The following CSMD1 variants were observed in gnomAD, a reference collection of about 807,000 sequenced individuals.
CSMD1 encodes CUB and sushi domain-containing protein 1.
Under a neutral mutation model 417.5 loss-of-function variants are expected in CSMD1, and 213 were observed. The ratio of observed to expected loss-of-function variants is 0.51; its 90% CI spans 0.46 to 0.57. CSMD1 has a LOEUF of 0.57. Ranked by LOEUF, CSMD1 falls within the 20% of genes least tolerant of loss-of-function variation. The pLI, the probability that CSMD1 is intolerant of heterozygous loss-of-function variation, is 0.00. For synonymous variants in CSMD1, 2,862 were observed against 1,736.8 expected, an observed-to-expected ratio of 1.65 and a Z score of -16.11; for missense variants, 6,923 against 4,529.7, an observed-to-expected ratio of 1.53 and a Z score of -15.17.
chr8:3,543,799 G>C (rs1255101356), intron 10 of CSMD1, among the ~76,000 whole-genome samples: 1 of 152,166 alleles, frequency 6.6e-6, no homozygotes, highest in Non-Finnish European at 1.5e-5. Flanking sequence ...TGCAGTCTGA[G>C]TTCAGAGTCT....
At chr8:4,530,574 T>G (rs1796760245) in intron 2 of CSMD1, among the ~76,000 whole-genome samples, 1 of 151,270 alleles carries the variant, frequency 6.6e-6, no homozygotes, top group Non-Finnish European at 1.5e-5. Flanking sequence ...AGCTCCCACT[T>G]ATGAGTGAGG....
intron 5 of CSMD1, among the ~76,000 whole-genome samples, chr8:3,830,589 G>A (rs1009124285): frequency 6.6e-6 from 1 of 152,092 alleles, no homozygotes; most frequent in South Asian, 2.1e-4. Context: ...AAGAATGATT[G>A]TTTGCAAGCA....
intron 3 of CSMD1, among the ~76,000 whole-genome samples, chr8:4,117,783 G>C (rs1335564644): frequency 1.3e-5 from 2 of 152,098 alleles, no homozygotes; most frequent in African/African-American, 4.8e-5. Flanking sequence ...CCCATTCAGA[G>C]AATGTCAGGC....
chr8:4,047,636 C>T (rs1385571435), intron 3 of CSMD1, among the ~76,000 whole-genome samples: 3 of 151,852 alleles, frequency 2.0e-5, no homozygotes, highest in South Asian at 2.1e-4. Context: ...AATGCAATAT[C>T]GCCCTCAGTG....
At chr8:4,234,076 C>A (rs1207400504) in intron 3 of CSMD1, among the ~76,000 whole-genome samples, 1 of 152,062 alleles carries the variant, frequency 6.6e-6, no homozygotes, top group African/African-American at 2.4e-5. Context: ...TTAACCCCTG[C>A]CTAAGTACTA....
At chr8:3,210,597 G>T in intron 30 of CSMD1, among the ~76,000 whole-genome samples, 1 of 146,276 alleles carries the variant, frequency 6.8e-6, no homozygotes. Context: ...TTAATATATA[G>T]GTGTGTGTAT....
At chr8:3,467,596 G>C (rs187121424) in intron 12 of CSMD1, among the ~76,000 whole-genome samples, 221 of 152,332 alleles carry the variant, frequency 1.5e-3, no homozygotes, top group African/African-American at 5.1e-3. Flanking sequence ...CACACCCCGT[G>C]TGTCAGCAAG....
intron 3 of CSMD1, among the ~76,000 whole-genome samples, chr8:4,146,334 T>G (rs948508730): frequency 1.3e-5 from 2 of 150,702 alleles, no homozygotes; most frequent in African/African-American, 2.5e-5. Context: ...CCAAAGCAGG[T>G]GGATTCATTC....
chr8:3,873,448 CA>C (rs1374355330), intron 5 of CSMD1, among the ~76,000 whole-genome samples: 1 of 152,040 alleles, frequency 6.6e-6, no homozygotes, highest in East Asian at 1.9e-4. Context: ...CAAACTAACA[CA>C]GCAACAGAAA....
chr8:4,043,873 A>C (rs923481272), intron 3 of CSMD1, among the ~76,000 whole-genome samples: 2 of 152,218 alleles, frequency 1.3e-5, no homozygotes, highest in Non-Finnish European at 2.9e-5. Context: ...AGAGAGGCTA[A>C]GGAACTCAGT....
At chr8:3,161,870 T>C (rs1303967542) in intron 38 of CSMD1, among the ~76,000 whole-genome samples, 1 of 152,150 alleles carries the variant, frequency 6.6e-6, no homozygotes, top group African/African-American at 2.4e-5. Context: ...AGAGACAGTG[T>C]TGATATTTTG....
At chr8:4,145,327 G>GA (rs1233568444) in intron 3 of CSMD1, among the ~76,000 whole-genome samples, 12 of 150,648 alleles carry the variant, frequency 8.0e-5, no homozygotes, top group Non-Finnish European at 1.6e-4. Flanking sequence ...ATTTTTTGAG[G>GA]AAAAAAATGA....
At chr8:4,173,299 T>A (rs572399605) in intron 3 of CSMD1, among the ~76,000 whole-genome samples, 32 of 152,164 alleles carry the variant, frequency 2.1e-4, no homozygotes, top group Non-Finnish European at 3.8e-4. Flanking sequence ...GAGTTCCAAA[T>A]TGAAGTGGGA....
At chr8:3,141,618 C>T (rs556851661) in intron 41 of CSMD1, among the ~76,000 whole-genome samples, 15 of 152,120 alleles carry the variant, frequency 9.9e-5, no homozygotes, top group Admixed American at 9.8e-4. Flanking sequence ...AGATATGTTG[C>T]AGACCCTGCA....
At chr8:3,238,546 G>C (rs571446687) in intron 26 of CSMD1, among the ~76,000 whole-genome samples, 7 of 152,122 alleles carry the variant, frequency 4.6e-5, no homozygotes, top group African/African-American at 1.7e-4. Flanking sequence ...CGGGCAGCAT[G>C]GGAACTTAGA....
At chr8:4,458,406 T>G (rs1229647966) in intron 2 of CSMD1, among the ~76,000 whole-genome samples, 1 of 152,176 alleles carries the variant, frequency 6.6e-6, no homozygotes, top group Non-Finnish European at 1.5e-5. Context: ...TTATGGGGAT[T>G]ATTGGCAGTG....
intron 49 of CSMD1, among the ~76,000 whole-genome samples, chr8:3,056,094 G>A (rs964704451): frequency 6.6e-6 from 1 of 152,106 alleles, no homozygotes; most frequent in Non-Finnish European, 1.5e-5. Flanking sequence ...TTATTTATTT[G>A]CAAATAAAAA....
At chr8:3,819,025 CA>C (rs1490164192) in intron 5 of CSMD1, among the ~76,000 whole-genome samples, 1 of 152,164 alleles carries the variant, frequency 6.6e-6, no homozygotes, top group East Asian at 1.9e-4. Context: ...TTTTGACATC[CA>C]GATTGACGGT....
At chr8:3,508,274 C>G (rs1796916430) in intron 10 of CSMD1, among the ~76,000 whole-genome samples, 1 of 151,246 alleles carries the variant, frequency 6.6e-6, no homozygotes, top group African/African-American at 2.4e-5. Context: ...GACATAGATC[C>G]TGGCTCACCT....
Sources: gnomAD v4.1 joint callset for allele counts (sites outside exome capture counted in the v4.1 genomes callset) on GRCh38, gnomAD v4.1.1 for gene constraint, MANE v1.5 for transcripts, NCBI Gene and HGNC (gene_info 2026-07-23, HGNC 2026-07-21) for gene names.